The following NAV2 variants were observed in gnomAD, a reference collection of about 807,000 sequenced individuals.
NAV2 encodes the protein neuron navigator 2, also known as helicase, APC down-regulated 1.
Under a neutral mutation model 223.2 loss-of-function variants are expected in NAV2, and 54 were observed. The ratio of observed to expected loss-of-function variants is 0.24; its 90% CI spans 0.19 to 0.30. The LOEUF (loss-of-function observed/expected upper bound fraction) is 0.30, where lower values mean the gene tolerates loss of function less well. Ranked by LOEUF, NAV2 falls within the 10% of genes least tolerant of loss-of-function variation. The pLI is 1.00. For missense variants in NAV2, 2,806 were observed against 3,147.5 expected, an observed-to-expected ratio of 0.89 and a Z score of 2.60; for synonymous variants, 1,279 against 1,239.3, an observed-to-expected ratio of 1.03 and a Z score of -0.67.
chr11:19,707,390 A>C (rs1311545857), intron 1 of NAV2, among the ~76,000 whole-genome samples: 1 of 152,074 alleles, frequency 6.6e-6, no homozygotes, highest in African/African-American at 2.4e-5. Flanking sequence ...GCTTTTTTCT[A>C]TTAGTTATTT....
At chr11:19,980,730 C>T (rs1319417262) in intron 10 of NAV2, among the ~76,000 whole-genome samples, 1 of 152,124 alleles carries the variant, frequency 6.6e-6, no homozygotes, top group African/African-American at 2.4e-5. Flanking sequence ...AAATTTTGGT[C>T]CAGCAAACCC....
intron 1 of NAV2, among the ~76,000 whole-genome samples, chr11:19,461,806 A>T (rs34391944): frequency 2.6e-5 from 4 of 152,182 alleles, no homozygotes; most frequent in Admixed American, 2.6e-4. Context: ...TATGAACCTT[A>T]TATCTCGGTT....
chr11:19,905,335 A>G (rs759227483), intron 6 of NAV2, among the ~76,000 whole-genome samples: 16 of 151,068 alleles, frequency 1.1e-4, no homozygotes, highest in Non-Finnish European at 2.1e-4. Flanking sequence ...GAGAAGTCAC[A>G]TGTGTGGTTT....
intron 11 of NAV2, 46 bp from the exon 12 acceptor site, chr11:20,035,913 A>G: frequency 6.2e-7 from 1 of 1,611,744 alleles, no homozygotes; most frequent in South Asian, 1.1e-5. Context: ...CCTGAGCTGG[A>G]ACAGCCTGAG....
rs549279522 is a variant in NAV2 at position 19,513,521 on chromosome 11, G to A, written c.75+162494G>A. On this transcript the variant is annotated intron_variant, in intron 1 of 37. Coordinates refer to the NAV2 transcript ENST00000360655. ...CCAGGGTGTGGCCTAAGGGGATCTA[G>A]TGGTGTAGACAGTCATGGGCCCTGT... 2.0e-5 allele frequency among the ~76,000 whole-genome samples: 3 copies of A among 152,280 alleles called. No homozygotes were observed. In the South Asian group the frequency reaches 6.2e-4, roughly 32 times the overall value.
At chr11:19,910,087 C>G (rs750891257) in intron 6 of NAV2, among the ~76,000 whole-genome samples, 1 of 152,110 alleles carries the variant, frequency 6.6e-6, no homozygotes, top group Non-Finnish European at 1.5e-5. Context: ...TAATCCCTCA[C>G]ATCACTACTA....
At chr11:19,764,489 T>C (rs927924953) in intron 1 of NAV2, among the ~76,000 whole-genome samples, 3 of 152,214 alleles carry the variant, frequency 2.0e-5, no homozygotes, top group African/African-American at 7.2e-5. Context: ...AGATGTATTG[T>C]TCATGCTAAC....
At chr11:19,525,024 C>T (rs2043801732) in intron 1 of NAV2, among the ~76,000 whole-genome samples, 1 of 152,144 alleles carries the variant, frequency 6.6e-6, no homozygotes. Context: ...AGTTATTACC[C>T]TGTGAATGTC....
At chr11:19,953,488 C>T (rs1164271229) in intron 10 of NAV2, among the ~76,000 whole-genome samples, 1 of 152,248 alleles carries the variant, frequency 6.6e-6, no homozygotes, top group Non-Finnish European at 1.5e-5. Flanking sequence ...GCCCTCCCTC[C>T]TGGGACATGC....
rs1201869382 is a variant in NAV2 at position 20,095,730 on chromosome 11, G to A, written c.5975G>A (p.Trp1992Ter). 6.2e-7 allele frequency: 1 copy of A among 1,614,106 alleles called. No individual in the cohort carries two copies. The highest frequency in any genetic ancestry group is 8.5e-7 in the Non-Finnish European group (1 of 1,179,998). Reference sequence around the variant, plus strand: ...ATTGGAGTTAGTGGCAAGACGAAGTGGGATGTGCTCGATGGGGTGGTTAGA... The same window carrying A: ...ATTGGAGTTAGTGGCAAGACGAAGTAGGATGTGCTCGATGGGGTGGTTAGA... ...GCIGVSGKTK[W>*]DVLDGVVRRL... The change falls in exon 30 of 38, where the codon TGG becomes TAG. Residue 1992 changes from tryptophan to a stop codon, truncating the protein, a stop_gained. Coordinates refer to ENST00000349880, the MANE Select transcript of NAV2 (RefSeq NM_145117.5). LOFTEE classifies it high-confidence loss of function.
intron 1 of NAV2, among the ~76,000 whole-genome samples, chr11:19,646,017 G>A (rs1219232319): frequency 1.3e-5 from 2 of 152,188 alleles, no homozygotes; most frequent in Admixed American, 1.3e-4. Context: ...TGTCATTAAA[G>A]GTAACATTGG....
chr11:19,903,835 G>A (rs978867154), intron 6 of NAV2, among the ~76,000 whole-genome samples: 4 of 152,124 alleles, frequency 2.6e-5, no homozygotes, highest in Admixed American at 2.6e-4. Context: ...CTTCCAGACA[G>A]GGCCTCCCCA....
intron 1 of NAV2, among the ~76,000 whole-genome samples, chr11:19,531,515 C>A (rs2044027631): frequency 6.6e-6 from 1 of 152,114 alleles, no homozygotes; most frequent in African/African-American, 2.4e-5. Flanking sequence ...TTAAGTGAGC[C>A]AGCAAAATTT....
At position 19,933,203 on chromosome 11, in the gene NAV2, AC is replaced by A; in HGVS notation, c.963del (p.Gly322GlufsTer2). On this transcript the variant is annotated frameshift_variant, in exon 7 of 38. Transcript: ENST00000349880. LOFTEE classifies it high-confidence loss of function. The surrounding 1 kb of genome is among the most constrained non-coding windows in gnomAD (Gnocchi z 4.3). ...KEPLASSASSHPGMSDNAPAS... is the reference protein window; with the variant it reads ...KEPLASSASSXPGMSDNAPAS... ...CCTTTGGCAAGTTCAGCCTCCTCCCACCCCGGAATGAGTGACAATGCACCTG... is the reference window on the plus strand; with the variant it reads ...CCTTTGGCAAGTTCAGCCTCCTCCCACCCGGAATGAGTGACAATGCACCTG... The A allele has an allele frequency of 6.5e-7, 1 of 1,545,532 alleles. No individual in the cohort carries two copies. Among genetic ancestry groups the A allele is most frequent in the Non-Finnish European group, 8.7e-7 (1 of 1,144,396 alleles).
intron 1 of NAV2, among the ~76,000 whole-genome samples, chr11:19,736,206 T>C (rs944673720): frequency 6.6e-6 from 1 of 152,216 alleles, no homozygotes; most frequent in Non-Finnish European, 1.5e-5. Flanking sequence ...TCATGAAGCA[T>C]GTTTTTACAA....
chr11:19,456,848 C>T (rs1851976281), intron 1 of NAV2, among the ~76,000 whole-genome samples: 1 of 152,176 alleles, frequency 6.6e-6, no homozygotes, highest in South Asian at 2.1e-4. Context: ...CTCTCCTGGA[C>T]AGATGCTGTC....
rs374769800 is a variant in NAV2, at chr11:20,023,699, G to GGTGTGTGTGTGT, written c.2769-12235_2769-12224dup. ...GTTGTGTTTATACAGCAAATTGCTG[G>GGTGTGTGTGTGT]GTGTGTGTGTGTGTGTGTGTGTGTG... is the stretch of plus-strand genomic sequence containing the variant. On this transcript the variant is annotated intron_variant, in intron 11 of 37. Coordinates refer to ENST00000349880, the MANE Select transcript of NAV2 (RefSeq NM_145117.5). Among the ~76,000 whole-genome samples the GGTGTGTGTGTGT allele has an allele frequency of 7.2e-3, 1,039 of 144,660 alleles. 5 individuals are homozygous for GGTGTGTGTGTGT. The highest frequency in any genetic ancestry group is 0.014 in the Middle Eastern group (4 of 290). 94.9% of individuals were successfully genotyped at this position (144,660 alleles called of 152,430 possible). A position where few individuals can be genotyped will look rare whatever the true frequency, so the allele number is the denominator to read the frequency against.
intron 6 of NAV2, among the ~76,000 whole-genome samples, chr11:19,926,172 T>A (rs1442004877): frequency 1.3e-5 from 2 of 152,202 alleles, no homozygotes; most frequent in East Asian, 3.8e-4. Context: ...TTAAAAAACA[T>A]TTGATTATAA....
intron 1 of NAV2, among the ~76,000 whole-genome samples, chr11:19,424,120 T>C (rs1342371147): frequency 2.0e-5 from 3 of 152,194 alleles, no homozygotes; most frequent in Non-Finnish European, 2.9e-5. Flanking sequence ...GGCAGGGAAA[T>C]TAGATATGCG....
Sources: gnomAD v4.1 joint callset for allele counts (sites outside exome capture counted in the v4.1 genomes callset) on GRCh38, gnomAD v4.1.1 for gene constraint, Gnocchi (gnomAD v3.1) non-coding constraint, MANE v1.5 for transcripts, NCBI Gene and HGNC (gene_info 2026-07-23, HGNC 2026-07-21) for gene names.